STAM: variants seen among roughly 807,000 people sequenced by gnomAD.
STAM encodes the protein signal transducing adaptor molecule, also known as signal transducing adapter molecule 1.
A neutral mutation model predicts 63.4 loss-of-function variants in STAM; 16 were observed. The observed-to-expected ratio is 0.25, with a 90% CI of 0.17 to 0.38. STAM has a LOEUF of 0.38. Ranked by LOEUF, STAM falls within the 10% of genes least tolerant of loss-of-function variation. The pLI, the probability that STAM is intolerant of heterozygous loss-of-function variation, is 1.00. For missense variants in STAM, 636 were observed against 657.1 expected, an observed-to-expected ratio of 0.97 and a Z score of 0.35; for synonymous variants, 238 against 223.9, an observed-to-expected ratio of 1.06 and a Z score of -0.56.
intron 5 of STAM, among the ~76,000 whole-genome samples, chr10:17,691,704 C>A (rs1330721042): frequency 6.6e-6 from 1 of 152,160 alleles, no homozygotes; most frequent in Non-Finnish European, 1.5e-5. Context: ...GTTGTGGAGA[C>A]AGACATGTAA....
In STAM at chr10:17,716,786, AC is replaced by A. The variant is rs1836833713; in HGVS notation, c.*2007del. Among the ~76,000 whole-genome samples the A allele has an allele frequency of 6.6e-6, 1 of 152,194 alleles. No individual in the cohort carries two copies. Among genetic ancestry groups the A allele is most frequent in the African/African-American group, 2.4e-5 (1 of 41,436 alleles). On this transcript the variant is annotated 3_prime_UTR_variant, in exon 14 of 14. Coordinates refer to ENST00000377524, the MANE Select transcript of STAM (RefSeq NM_003473.4). ...TACATTTTTCTTTACCTTTTACATT[AC>A]TAGCCTTATAAAGGTTTAAATGATG... is the stretch of plus-strand genomic sequence containing the variant.
At chr10:17,661,490 C>G (rs752041561) in intron 2 of STAM, among the ~76,000 whole-genome samples, 1 of 152,134 alleles carries the variant, frequency 6.6e-6, no homozygotes, top group African/African-American at 2.4e-5. Context: ...ATGTAGATGG[C>G]ATCTGTATTT....
rs143754165 is a variant in STAM at position 17,665,465 on chromosome 10, T to A, written c.125+4917T>A. On this transcript the variant is annotated intron_variant, in intron 2 of 13. Coordinates refer to ENST00000377524, the MANE Select transcript of STAM (RefSeq NM_003473.4). ...TTCTTTTACACAAATGTGAATACAT[T>A]TTCCCCCCATTTACATGTAATAAGA... Among the ~76,000 whole-genome samples the A allele has an allele frequency of 4.1e-4, 63 of 152,230 alleles. No individual in the cohort carries two copies. In the East Asian group the frequency reaches 0.012, roughly 29 times the overall value.
Position 17,644,462 on chromosome 10 carries a change from C to T in STAM, c.40+83C>T, listed in dbSNP as rs868919324. ...AGCCCCTGCCTGCATTCAGGACCCT[C>T]GGGCCAGGGCCAAGGAAGAGCTCGC... On this transcript the variant is annotated intron_variant, in intron 1 of 13. Transcript: ENST00000377524. 38 of 1,543,566 alleles carry T rather than the reference C, an allele frequency of 2.5e-5. No homozygotes were observed. The Middle Eastern group carries it at 3.9e-3, about 157-fold the overall frequency.
intron 2 of STAM, among the ~76,000 whole-genome samples, chr10:17,661,319 C>G (rs1445075660): frequency 6.6e-6 from 1 of 152,218 alleles, no homozygotes; most frequent in Non-Finnish European, 1.5e-5. Context: ...AGCACTGCTG[C>G]ATTACACTTG....
At chr10:17,649,324 C>G (rs1328651453) in intron 1 of STAM, among the ~76,000 whole-genome samples, 3 of 151,510 alleles carry the variant, frequency 2.0e-5, no homozygotes, top group Non-Finnish European at 4.4e-5. Context: ...TTGGTTGAGC[C>G]TGGGAGGTCA....
At chr10:17,660,654 G>A (rs990945036) in intron 2 of STAM, 106 bp downstream of exon 2, 3 of 752,976 alleles carry the variant, frequency 4.0e-6, no homozygotes, top group Non-Finnish European at 4.2e-6. Context: ...GGTAGGATGA[G>A]GTGGGAGGAT....
At chr10:17,670,551 GTTA>G (rs1434856591) in intron 2 of STAM, among the ~76,000 whole-genome samples, 2 of 152,024 alleles carry the variant, frequency 1.3e-5, no homozygotes, top group Non-Finnish European at 2.9e-5. Flanking sequence ...CTCCCCATAC[GTTA>G]TGTTACATTG....
At chr10:17,656,083 A>C (rs531406966) in intron 1 of STAM, among the ~76,000 whole-genome samples, 57 of 152,128 alleles carry the variant, frequency 3.7e-4, no homozygotes, top group African/African-American at 1.3e-3. Flanking sequence ...TCACCAGGTC[A>C]GGAGATTGAG....
intron 10 of STAM, 31 bp from the exon 11 acceptor site, chr10:17,704,935 ACTTT>A (rs1467073726): frequency 8.9e-6 from 14 of 1,564,998 alleles, no homozygotes; most frequent in African/African-American, 1.4e-5. Context: ...TTTTTCTTGT[ACTTT>A]CTTATATTTC....
chr10:17,656,976 G>A (rs1331207060), intron 1 of STAM, among the ~76,000 whole-genome samples: 8 of 152,178 alleles, frequency 5.3e-5, no homozygotes, highest in Non-Finnish European at 7.4e-5. Flanking sequence ...CGGCCCACAT[G>A]CGCAGTGCCC....
intron 2 of STAM, among the ~76,000 whole-genome samples, chr10:17,683,858 T>A (rs180890434): frequency 2.6e-4 from 40 of 152,352 alleles, no homozygotes; most frequent in African/African-American, 9.1e-4. Flanking sequence ...GCTTAGTACT[T>A]TGAATTTTAT....
rs1276167594 is a variant in STAM, at chr10:17,716,197, T to A, written c.*1417T>A. ...GAACATCATATTTAATGAATTGATG[T>A]AACAGGTTTCATACTATAAATGAAA... On this transcript the variant is annotated 3_prime_UTR_variant, in exon 14 of 14. Transcript: ENST00000377524. Among the ~76,000 whole-genome samples, 1 of 152,190 alleles carries A rather than the reference T, an allele frequency of 6.6e-6. No individual in the cohort carries two copies. Among genetic ancestry groups the A allele is most frequent in the African/African-American group, 2.4e-5 (1 of 41,462 alleles).
rs1836418750 is a variant in STAM, at chr10:17,708,831, T to A, written c.1265T>A (p.Met422Lys). 6.2e-7 allele frequency: 1 copy of A among 1,614,126 alleles called. No homozygotes were observed. Among genetic ancestry groups the A allele is most frequent in the East Asian group, 2.2e-5 (1 of 44,880 alleles). ...TACCTGGTTGCAGGGAACGCGCAGATGAGCCACCTCCAGAGCTACAGTCTT... is the reference window on the plus strand; with the variant it reads ...TACCTGGTTGCAGGGAACGCGCAGAAGAGCCACCTCCAGAGCTACAGTCTT... Reference protein sequence around the residue: ...GAYLVAGNAQMSHLQSYSLPP... With the variant: ...GAYLVAGNAQKSHLQSYSLPP... Residue 422 changes from methionine to lysine, a missense_variant, in exon 13 of 14, where the codon ATG becomes AAG. Met to Lys is a moderately conservative substitution (Grantham distance 95). Coordinates refer to ENST00000377524, the MANE Select transcript of STAM (RefSeq NM_003473.4).
intron 1 of STAM, among the ~76,000 whole-genome samples, chr10:17,646,628 C>G (rs929899390): frequency 6.6e-6 from 1 of 152,142 alleles, no homozygotes; most frequent in Non-Finnish European, 1.5e-5. Flanking sequence ...GAAAAGCTTA[C>G]TTTTTAAAGT....
chr10:17,716,764 A>G lies in STAM; in HGVS notation c.*1984A>G, dbSNP rs551668535. 2.0e-5 allele frequency among the ~76,000 whole-genome samples: 3 copies of G among 152,254 alleles called. No individual in the cohort carries two copies. The highest frequency in any genetic ancestry group is 2.9e-5 in the Non-Finnish European group (2 of 68,008). ...ACTACCCTTATTACAACCCATATAC[A>G]TTTTTCTTTACCTTTTACATTACTA... On this transcript the variant is annotated 3_prime_UTR_variant, in exon 14 of 14. Coordinates refer to ENST00000377524, the MANE Select transcript of STAM (RefSeq NM_003473.4).
intron 1 of STAM, among the ~76,000 whole-genome samples, chr10:17,651,546 C>G (rs928702324): frequency 6.6e-6 from 1 of 152,108 alleles, no homozygotes; most frequent in Admixed American, 6.5e-5. Flanking sequence ...ATTCTTCTGT[C>G]CCTATTTTAC....
chr10:17,685,242 C>T lies in STAM; in HGVS notation c.297+315C>T, dbSNP rs75228706. On this transcript the variant is annotated intron_variant, in intron 4 of 13. Transcript: ENST00000377524. Reference sequence around the variant, plus strand: ...CTATTTTACATACTGTTTTTGTAGGCACAAGGTATTTTCCTAATGGAAAAC... The same window carrying T: ...CTATTTTACATACTGTTTTTGTAGGTACAAGGTATTTTCCTAATGGAAAAC... 5.3e-3 allele frequency among the ~76,000 whole-genome samples: 801 copies of T among 152,232 alleles called. 13 individuals carry two copies. The highest frequency in any genetic ancestry group is 0.019 in the African/African-American group (778 of 41,544).
Position 17,661,642 on chromosome 10 carries a change from A to G in STAM, c.125+1094A>G, listed in dbSNP as rs1447282272. On this transcript the variant is annotated intron_variant, in intron 2 of 13. Transcript: ENST00000377524. ...AAACCTACTTTCTTTCAGTTTTTCC[A>G]TTTCTATTAATGACAAGATGATTCT... Among the ~76,000 whole-genome samples the G allele has an allele frequency of 3.3e-5, 5 of 152,050 alleles. No individual in the cohort carries two copies. The East Asian group carries it at 7.7e-4, about 23-fold the overall frequency.
Sources: gnomAD v4.1 joint callset for allele counts (sites outside exome capture counted in the v4.1 genomes callset) on GRCh38, gnomAD v4.1.1 for gene constraint, MANE v1.5 for transcripts, NCBI Gene and HGNC (gene_info 2026-07-23, HGNC 2026-07-21) for gene names.